Variants in RNF152 observed in about 807,000 individuals in gnomAD.
The protein encoded by RNF152 is ring finger protein 152.
A neutral mutation model predicts 12.7 loss-of-function variants in RNF152; 11 were observed. The observed-to-expected ratio is 0.86, with a 90% confidence interval of 0.54 to 1.43. The LOEUF (loss-of-function observed/expected upper bound fraction) is 1.43, where lower values mean the gene tolerates loss of function less well. RNF152 is among the 40% of genes most tolerant of loss of function. The probability of loss-of-function intolerance (pLI) is 0.00; values close to 1 mark genes in which losing one functional copy is unlikely to be tolerated. For synonymous variants in RNF152, 113 were observed against 120.3 expected (o/e 0.94, Z 0.40); for missense variants, 255 against 274.8 (o/e 0.93, Z 0.51).
At chr18:61,866,513 C>T (rs1334159312) in intron 1 of RNF152, among the ~76,000 whole-genome samples, 2 of 152,216 alleles carry the variant, frequency 1.3e-5, no homozygotes, top group Non-Finnish European at 2.9e-5. Flanking sequence ...TCCTTAGTAC[C>T]AAGAGTGAGG....
intron 1 of RNF152, among the ~76,000 whole-genome samples, chr18:61,853,879 T>C (rs1170573435): frequency 1.3e-5 from 2 of 152,122 alleles, no homozygotes; most frequent in Admixed American, 6.6e-5. Flanking sequence ...GACAAGGACT[T>C]CTCTGGGGTC....
chr18:61,862,300 G>A (rs183868792), intron 1 of RNF152, among the ~76,000 whole-genome samples: 10 of 152,222 alleles, frequency 6.6e-5, no homozygotes, highest in Non-Finnish European at 1.3e-4. Flanking sequence ...CAGAGGAGGC[G>A]GCAAAAATTC....
chr18:61,825,037 G>T (rs1471938760), intron 1 of RNF152, among the ~76,000 whole-genome samples: 1 of 152,140 alleles, frequency 6.6e-6, no homozygotes, highest in East Asian at 1.9e-4. Flanking sequence ...GACAAATCAA[G>T]CACACAGGGA....
intron 1 of RNF152, among the ~76,000 whole-genome samples, chr18:61,848,580 A>T (rs1910836948): frequency 6.6e-6 from 1 of 152,216 alleles, no homozygotes. Flanking sequence ...TAGTATTTGC[A>T]GAGAGGCTTC....
intron 1 of RNF152, among the ~76,000 whole-genome samples, chr18:61,840,842 T>C (rs1910419762): frequency 6.6e-6 from 1 of 152,250 alleles, no homozygotes; most frequent in Non-Finnish European, 1.5e-5. Context: ...TGACAAGGTC[T>C]GTTCTCTCCA....
intron 1 of RNF152, among the ~76,000 whole-genome samples, chr18:61,827,059 C>A (rs1191650795): frequency 6.6e-6 from 1 of 152,032 alleles, no homozygotes; most frequent in Non-Finnish European, 1.5e-5. Flanking sequence ...GGCAATGGCA[C>A]CAAAAGTCAT....
intron 1 of RNF152, among the ~76,000 whole-genome samples, chr18:61,829,688 C>A (rs1909848456): frequency 6.6e-6 from 1 of 151,742 alleles, no homozygotes; most frequent in Admixed American, 6.6e-5. Context: ...AGGATGCGGT[C>A]CAAACCTTTC....
At chr18:61,887,239 T>A (rs949247770) in intron 1 of RNF152, among the ~76,000 whole-genome samples, 1 of 152,166 alleles carries the variant, frequency 6.6e-6, no homozygotes, top group African/African-American at 2.4e-5. Flanking sequence ...AGTGAGGGGA[T>A]GAAGGATTAA....
intron 1 of RNF152, among the ~76,000 whole-genome samples, chr18:61,871,861 A>T (rs77094388): frequency 0.032 from 4,854 of 152,296 alleles, 265 homozygotes; most frequent in African/African-American, 0.11. Flanking sequence ...TCTGATAGGT[A>T]CATATCTTCA....
At chr18:61,881,551 T>TA (rs1423697292) in intron 1 of RNF152, among the ~76,000 whole-genome samples, 2 of 152,206 alleles carry the variant, frequency 1.3e-5, no homozygotes, top group Non-Finnish European at 2.9e-5. Flanking sequence ...CAGAAGCTAA[T>TA]ACTGTTGCCC....
chr18:61,860,708 G>T (rs1376457970), intron 1 of RNF152, among the ~76,000 whole-genome samples: 2 of 152,150 alleles, frequency 1.3e-5, no homozygotes, highest in Non-Finnish European at 2.9e-5. Context: ...ACTGTAAAAT[G>T]CCCCAGGCAA....
At chr18:61,853,821 T>G (rs1911096867) in intron 1 of RNF152, among the ~76,000 whole-genome samples, 1 of 152,220 alleles carries the variant, frequency 6.6e-6, no homozygotes, top group African/African-American at 2.4e-5. Context: ...CCTTTTGCCA[T>G]GTAGGTAACA....
At chr18:61,868,517 A>G (rs1322560636) in intron 1 of RNF152, among the ~76,000 whole-genome samples, 1 of 152,154 alleles carries the variant, frequency 6.6e-6, no homozygotes, top group Non-Finnish European at 1.5e-5. Flanking sequence ...AGCCTGGCCA[A>G]CGTGGTAAAA....
chr18:61,873,037 T>C (rs1480510713), intron 1 of RNF152, among the ~76,000 whole-genome samples: 1 of 152,208 alleles, frequency 6.6e-6, no homozygotes, highest in Non-Finnish European at 1.5e-5. Context: ...AACATATGAA[T>C]GCTTCTACGT....
At chr18:61,858,860 A>C (rs936986020) in intron 1 of RNF152, among the ~76,000 whole-genome samples, 1 of 152,214 alleles carries the variant, frequency 6.6e-6, no homozygotes, top group East Asian at 1.9e-4. Context: ...ATCCCGTTTT[A>C]ATAGGAGATG....
intron 1 of RNF152, among the ~76,000 whole-genome samples, chr18:61,818,500 CT>C (rs1391529966): frequency 6.6e-6 from 1 of 151,832 alleles, no homozygotes; most frequent in African/African-American, 2.4e-5. Context: ...CTGTTAAAAA[CT>C]AGTAACAATG....
chr18:61,820,312 G>A, intron 1 of RNF152, among the ~76,000 whole-genome samples: 1 of 103,918 alleles, frequency 9.6e-6, no homozygotes. Context: ...CTGGGTGACA[G>A]AGAGAGACTC....
In RNF152 at chr18:61,858,338, A is replaced by G. The variant is rs571440380; in HGVS notation, c.-136+34457T>C. Among the ~76,000 whole-genome samples, 24 of 149,440 alleles carry G rather than the reference A, an allele frequency of 1.6e-4. No individual in the cohort carries two copies. In the East Asian group the frequency reaches 4.8e-3, roughly 30 times the overall value. ...CTCTGGAACTATCTCCCCTGGAACC[A>G]TATACCCTAGGATGAGGAATCTGTC... is the stretch of plus-strand genomic sequence containing the variant. On this transcript the variant is annotated intron_variant, in intron 1 of 1. Coordinates refer to ENST00000312828, the MANE Select transcript of RNF152 (RefSeq NM_173557.3).
At chr18:61,852,654 G>C (rs1911038882) in intron 1 of RNF152, among the ~76,000 whole-genome samples, 1 of 152,092 alleles carries the variant, frequency 6.6e-6, no homozygotes, top group Non-Finnish European at 1.5e-5. Context: ...CACCTGGAGA[G>C]ATTTAAAAAA....
Sources: allele counts gnomAD v4.1 joint callset (sites outside exome capture counted in the v4.1 genomes callset), GRCh38; gene constraint gnomAD v4.1.1; transcripts MANE v1.5; gene names NCBI Gene and HGNC (gene_info 2026-07-23, HGNC 2026-07-21).